ITGBL1: variants seen among roughly 807,000 people sequenced by gnomAD.
ITGBL1 encodes integrin beta-like protein 1.
In ITGBL1, 51 loss-of-function variants were observed where a neutral mutation model predicts 68.5. The observed-to-expected ratio is 0.74, with a 90% CI of 0.59 to 0.94. The LOEUF (loss-of-function observed/expected upper bound fraction) is 0.94, where lower values mean the gene tolerates loss of function less well. ITGBL1 is among the 40% of genes least tolerant of loss of function. The pLI is 0.00. For synonymous variants in ITGBL1, 209 were observed against 227.3 expected, an observed-to-expected ratio of 0.92 and a Z score of 0.72; for missense variants, 649 against 647.4, an observed-to-expected ratio of 1.00 and a Z score of -0.03.
At chr13:101,452,980 G>C (rs750772438) in intron 1 of ITGBL1, 49 bp downstream of exon 1, 1 of 1,492,670 alleles carries the variant, frequency 6.7e-7, no homozygotes, top group Non-Finnish European at 9.3e-7. Flanking sequence ...TGCTTATGTG[G>C]CAGGGCTCAA....
At chr13:101,500,438 G>A (rs987829323) in intron 2 of ITGBL1, among the ~76,000 whole-genome samples, 2 of 152,184 alleles carry the variant, frequency 1.3e-5, no homozygotes, top group Non-Finnish European at 2.9e-5. Context: ...TATTATATCT[G>A]TGTGAATCCT....
intron 6 of ITGBL1, among the ~76,000 whole-genome samples, chr13:101,592,932 G>A (rs2050679752): frequency 6.6e-6 from 1 of 151,980 alleles, no homozygotes; most frequent in Non-Finnish European, 1.5e-5. Flanking sequence ...ACATCAAACT[G>A]ACAAGCTTTT....
intron 8 of ITGBL1, among the ~76,000 whole-genome samples, chr13:101,699,587 C>T (rs900680848): frequency 4.6e-5 from 7 of 152,118 alleles, no homozygotes; most frequent in African/African-American, 1.2e-4. Flanking sequence ...CATCATGTGA[C>T]GAAGGACATA....
intron 2 of ITGBL1, among the ~76,000 whole-genome samples, chr13:101,486,115 T>TA (rs201787108): frequency 0.012 from 1,696 of 137,880 alleles, 28 homozygotes; most frequent in East Asian, 0.052. Flanking sequence ...AACGAGTGGA[T>TA]AAAAAAAAAA....
At chr13:101,616,820 G>A (rs1455779049) in intron 7 of ITGBL1, among the ~76,000 whole-genome samples, 2 of 152,212 alleles carry the variant, frequency 1.3e-5, no homozygotes, top group Non-Finnish European at 2.9e-5. Context: ...GGTACTCTCT[G>A]ATGTGCTTCC....
At chr13:101,519,307 A>G (rs979644437) in intron 2 of ITGBL1, among the ~76,000 whole-genome samples, 2 of 152,172 alleles carry the variant, frequency 1.3e-5, no homozygotes, top group African/African-American at 4.8e-5. Context: ...TTCATTTGCA[A>G]TGCCCAGTAT....
chr13:101,498,162 A>G (rs1354722028), intron 2 of ITGBL1, among the ~76,000 whole-genome samples: 1 of 152,090 alleles, frequency 6.6e-6, no homozygotes, highest in Non-Finnish European at 1.5e-5. Flanking sequence ...CCAAAAAAAA[A>G]TGTTCTGTAT....
chr13:101,598,195 G>A lies in ITGBL1; in HGVS notation c.911G>A (p.Gly304Asp). 1 of 1,613,742 alleles carries A rather than the reference G, an allele frequency of 6.2e-7. No individual in the cohort carries two copies. Among genetic ancestry groups the A allele is most frequent in the Non-Finnish European group, 8.5e-7 (1 of 1,179,844 alleles). ...TGCGGAAGATGTGACTGCAAAGCAG[G>A]CTGGTATGGGAAGAAGTGTGAGCAC... is the stretch of plus-strand genomic sequence containing the variant. The part of the protein sequence containing the change: ...CNCGRCDCKA[G>D]WYGKKCEHPQ... The change falls in exon 7 of 11, where the codon GGC (glycine) becomes GAC (aspartate). Residue 304 changes from glycine (G) to aspartate (D), a missense_variant. Physicochemically the swap from Gly to Asp is moderately conservative, Grantham distance 94 (BLOSUM62 -1). Transcript: ENST00000376180.
At chr13:101,453,431 T>C (rs2048191583) in intron 1 of ITGBL1, among the ~76,000 whole-genome samples, 1 of 152,260 alleles carries the variant, frequency 6.6e-6, no homozygotes, top group Non-Finnish European at 1.5e-5. Context: ...TTTCTATAGA[T>C]TCACGTTTTC....
At chr13:101,479,073 A>G (rs1301338905) in intron 2 of ITGBL1, among the ~76,000 whole-genome samples, 1 of 152,134 alleles carries the variant, frequency 6.6e-6, no homozygotes, top group Non-Finnish European at 1.5e-5. Context: ...ACAGAGCTAT[A>G]GTAACCCAAA....
Position 101,495,809 on chromosome 13 carries a change from A to G in ITGBL1, c.316+41709A>G, listed in dbSNP as rs1281504026. Among the ~76,000 whole-genome samples, 4 of 152,192 alleles carry G rather than the reference A, an allele frequency of 2.6e-5. No homozygotes were observed. In the South Asian group the frequency reaches 8.3e-4, roughly 32 times the overall value. On this transcript the variant is annotated intron_variant, in intron 2 of 10. Coordinates refer to ENST00000376180, the MANE Select transcript of ITGBL1 (RefSeq NM_004791.3). ...GACCTGGTAAGGAGTAACCTTTCCC[A>G]TTTGTGTAGGTGTATTTACAGTTGA...
chr13:101,543,268 C>T (rs1473691293), intron 2 of ITGBL1, among the ~76,000 whole-genome samples: 2 of 152,160 alleles, frequency 1.3e-5, no homozygotes, highest in Admixed American at 1.3e-4. Context: ...GACAAAATCT[C>T]TCAGCATTTG....
At chr13:101,591,725 G>A (rs1298625244) in intron 6 of ITGBL1, among the ~76,000 whole-genome samples, 1 of 152,170 alleles carries the variant, frequency 6.6e-6, no homozygotes, top group African/African-American at 2.4e-5. Context: ...GCTAAAGACA[G>A]CATGCATTTT....
At chr13:101,643,826 T>G (rs1209142540) in intron 7 of ITGBL1, among the ~76,000 whole-genome samples, 1 of 152,126 alleles carries the variant, frequency 6.6e-6, no homozygotes, top group Non-Finnish European at 1.5e-5. Flanking sequence ...TATAAATAAG[T>G]GACTTATTTA....
At chr13:101,514,079 CTG>C (rs1235610798) in intron 2 of ITGBL1, among the ~76,000 whole-genome samples, 1 of 152,012 alleles carries the variant, frequency 6.6e-6, no homozygotes, top group African/African-American at 2.4e-5. Context: ...AACACATGTT[CTG>C]TGTTTCCATT....
intron 2 of ITGBL1, among the ~76,000 whole-genome samples, chr13:101,466,194 C>T (rs1263062708): frequency 6.6e-6 from 1 of 152,154 alleles, no homozygotes; most frequent in Non-Finnish European, 1.5e-5. Flanking sequence ...TTAGCTTAGC[C>T]TTCATTTCCC....
At chr13:101,636,235 C>T (rs186034576) in intron 7 of ITGBL1, among the ~76,000 whole-genome samples, 43 of 152,084 alleles carry the variant, frequency 2.8e-4, no homozygotes, top group African/African-American at 9.6e-4. Context: ...TTTTGGGTAC[C>T]AACAGCCTAC....
intron 2 of ITGBL1, among the ~76,000 whole-genome samples, chr13:101,470,730 G>GA (rs1254557610): frequency 6.6e-6 from 1 of 151,972 alleles, no homozygotes; most frequent in African/African-American, 2.4e-5. Context: ...CAATAGTCTG[G>GA]AAAAAAATTC....
intron 2 of ITGBL1, among the ~76,000 whole-genome samples, chr13:101,507,384 A>G (rs1191806689): frequency 6.6e-6 from 1 of 152,204 alleles, no homozygotes. Context: ...TTACAAATAA[A>G]TGCTTTTATT....
Sources: allele counts gnomAD v4.1 joint callset (sites outside exome capture counted in the v4.1 genomes callset), GRCh38; gene constraint gnomAD v4.1.1; transcripts MANE v1.5; gene names NCBI Gene and HGNC (gene_info 2026-07-23, HGNC 2026-07-21).